RAPGEF2: variants seen among roughly 807,000 people sequenced by gnomAD.
RAPGEF2 encodes the protein PDZ domain containing guanine nucleotide exchange factor (GEF) 1.
In RAPGEF2, 54 loss-of-function variants were observed where a neutral mutation model predicts 186.7. The ratio of observed to expected loss-of-function variants is 0.29; its 90% confidence interval spans 0.23 to 0.36. The LOEUF (loss-of-function observed/expected upper bound fraction) is 0.36. Ranked by LOEUF, RAPGEF2 falls within the 10% of genes least tolerant of loss-of-function variation. The pLI, the probability that RAPGEF2 is intolerant of heterozygous loss-of-function variation, is 1.00. For missense variants in RAPGEF2, 1,532 were observed against 2,045.0 expected (o/e 0.75, Z 4.84); for synonymous variants, 712 against 705.9 (o/e 1.01, Z -0.14).
At chr4:159,129,078 T>C (rs1029509552) in intron 1 of RAPGEF2, among the ~76,000 whole-genome samples, 10 of 151,670 alleles carry the variant, frequency 6.6e-5, no homozygotes, top group African/African-American at 2.4e-4. Context: ...ATTCTGTATT[T>C]AAATTTGAAT....
chr4:159,115,160 A>G (rs552927747), intron 1 of RAPGEF2, among the ~76,000 whole-genome samples: 1 of 152,190 alleles, frequency 6.6e-6, no homozygotes, highest in East Asian at 1.9e-4. Flanking sequence ...GGTAGTGAGT[A>G]CTGGAGAATG....
At chr4:159,219,523 T>C (rs1179006341) in intron 4 of RAPGEF2, among the ~76,000 whole-genome samples, 1 of 151,744 alleles carries the variant, frequency 6.6e-6, no homozygotes, top group East Asian at 1.9e-4. Context: ...GTCCGGATAA[T>C]TTTTTGTATT....
In RAPGEF2 at chr4:159,104,155, G is replaced by C. The variant is rs1291230249; in HGVS notation, c.-8G>C. ...GCGGAGCGGCCCCGGCCCGCTCCCA[G>C]AGGGGAGATGGCGTCCTACGTAGAT... On this transcript the variant is annotated 5_prime_UTR_variant, in exon 1 of 30. Coordinates refer to ENST00000691494, the MANE Select transcript of RAPGEF2 (RefSeq NM_001394067.2). 2 of 1,521,992 alleles carry C rather than the reference G, an allele frequency of 1.3e-6. No homozygotes were observed. Among genetic ancestry groups the C allele is most frequent in the Admixed American group, 4.0e-5 (2 of 49,954 alleles). The allele number at this position is 1,521,992 out of a possible 1,614,324, so 94.3% of individuals were successfully genotyped here.
At chr4:159,199,205 G>A (rs922410233) in intron 3 of RAPGEF2, among the ~76,000 whole-genome samples, 1 of 152,118 alleles carries the variant, frequency 6.6e-6, no homozygotes, top group African/African-American at 2.4e-5. Context: ...TCAAGCACAT[G>A]CACACCCATG....
intron 4 of RAPGEF2, among the ~76,000 whole-genome samples, chr4:159,225,434 T>G (rs1751933870): frequency 6.6e-6 from 1 of 152,206 alleles, no homozygotes; most frequent in African/African-American, 2.4e-5. Flanking sequence ...TATTTTGGCT[T>G]CTACGAATAT....
At chr4:159,299,047 A>G (rs1762352473) in intron 7 of RAPGEF2, among the ~76,000 whole-genome samples, 1 of 152,224 alleles carries the variant, frequency 6.6e-6, no homozygotes, top group African/African-American at 2.4e-5. Flanking sequence ...TCCACCTTGT[A>G]GAGATTAAAA....
Position 159,315,499 on chromosome 4 carries a change from C to T in RAPGEF2, c.853+731C>T, listed in dbSNP as rs1579904579. On this transcript the variant is annotated intron_variant, in intron 9 of 29. Coordinates refer to ENST00000691494, the MANE Select transcript of RAPGEF2 (RefSeq NM_001394067.2). ...ACGAGAGAGTGTAGAAATAAAGACA[C>T]AAGACAAAGAGATAAAAGAAAAGGC... Among the ~76,000 whole-genome samples the T allele has an allele frequency of 3.3e-5, 5 of 152,022 alleles. No homozygotes were observed. In the East Asian group the frequency reaches 9.6e-4, roughly 29 times the overall value.
Position 159,139,363 on chromosome 4 carries a change from A to T in RAPGEF2, c.69+35132A>T, listed in dbSNP as rs969872152. On this transcript the variant is annotated intron_variant, in intron 1 of 29. Coordinates refer to ENST00000691494, the MANE Select transcript of RAPGEF2 (RefSeq NM_001394067.2). ...CCATTAAAAGGATTGTTGCTTCCCC[A>T]GTAGCCTCTTCTATACAGTTTCTTC... Among the ~76,000 whole-genome samples the T allele has an allele frequency of 7.9e-5, 12 of 152,364 alleles. No homozygotes were observed. In the Middle Eastern group the frequency reaches 0.01, roughly 130 times the overall value.
chr4:159,337,746 C>T (rs113056206), intron 17 of RAPGEF2, among the ~76,000 whole-genome samples: 5 of 151,038 alleles, frequency 3.3e-5, no homozygotes, highest in Non-Finnish European at 7.4e-5. Flanking sequence ...AAAAATTAGC[C>T]GGGCATGGTG....
In RAPGEF2 at chr4:159,347,066, AT is replaced by A. The variant is rs1421765176; in HGVS notation, c.3712+69del. On this transcript the variant is annotated intron_variant, in intron 25 of 29. Transcript: ENST00000691494. Reference sequence around the variant, plus strand: ...TCATGGTTTGCAAATTAGGAAAAAAATATTTGTCTTGGATAACTTTGTCTAA... The same window carrying A: ...TCATGGTTTGCAAATTAGGAAAAAAAATTTGTCTTGGATAACTTTGTCTAA... 55 of 1,399,272 alleles carry A rather than the reference AT, an allele frequency of 3.9e-5. No individual in the cohort carries two copies. The East Asian group carries it at 8.8e-4, about 22-fold the overall frequency. 86.7% of individuals were successfully genotyped at this position (1,399,272 alleles called of 1,614,324 possible).
Position 159,306,520 on chromosome 4 carries a change from A to G in RAPGEF2, c.675+2047A>G, listed in dbSNP as rs143838054. Among the ~76,000 whole-genome samples the G allele has an allele frequency of 3.0e-3, 455 of 152,236 alleles. 2 individuals are homozygous for G. Among genetic ancestry groups the G allele is most frequent in the African/African-American group, 9.8e-3 (409 of 41,560 alleles). Reference sequence around the variant, plus strand: ...CCTGAATTCTTTTATCAAATCTAACAATTTTTTGATGGAGTCTTTAGGGGT... The same window carrying G: ...CCTGAATTCTTTTATCAAATCTAACGATTTTTTGATGGAGTCTTTAGGGGT... On this transcript the variant is annotated intron_variant, in intron 8 of 29. Transcript: ENST00000691494.
intron 1 of RAPGEF2, among the ~76,000 whole-genome samples, chr4:159,167,579 C>T (rs1305582032): frequency 2.0e-5 from 3 of 152,154 alleles, no homozygotes; most frequent in African/African-American, 7.2e-5. Flanking sequence ...ATACCCTTTC[C>T]TTTTGTGATT....
intron 1 of RAPGEF2, among the ~76,000 whole-genome samples, chr4:159,163,044 C>T (rs1178580243): frequency 3.9e-5 from 6 of 152,122 alleles, no homozygotes; most frequent in African/African-American, 1.4e-4. Context: ...CTGATGATGA[C>T]TGTGCACCAC....
chr4:159,233,293 C>G (rs952896415), intron 4 of RAPGEF2, among the ~76,000 whole-genome samples: 1 of 152,148 alleles, frequency 6.6e-6, no homozygotes, highest in Non-Finnish European at 1.5e-5. Context: ...TTGGCTCTTA[C>G]ATTTAGCTTG....
chr4:159,268,294 T>G, intron 7 of RAPGEF2: 1 of 1,239,978 alleles, frequency 8.1e-7, no homozygotes, highest in Non-Finnish European at 1.2e-6. Context: ...TTGCTCTTTC[T>G]CTTCAGGGAA....
chr4:159,111,883 T>C (rs1017238180), intron 1 of RAPGEF2, among the ~76,000 whole-genome samples: 3 of 152,196 alleles, frequency 2.0e-5, no homozygotes, highest in Admixed American at 2.0e-4. Context: ...CTTATAAAAC[T>C]GTAGTGTAAT....
chr4:159,138,642 G>GATA (rs1741982913), intron 1 of RAPGEF2, among the ~76,000 whole-genome samples: 1 of 152,114 alleles, frequency 6.6e-6, no homozygotes, highest in African/African-American at 2.4e-5. Flanking sequence ...GAAAGAATAT[G>GATA]ATTTCTACAT....
At chr4:159,208,868 GA>G (rs577349809) in intron 3 of RAPGEF2, among the ~76,000 whole-genome samples, 2 of 148,196 alleles carry the variant, frequency 1.3e-5, no homozygotes, top group African/African-American at 2.5e-5. Context: ...GTACCCCTAG[GA>G]AAAAAAAAGA....
chr4:159,137,641 A>C (rs1185890332), intron 1 of RAPGEF2, among the ~76,000 whole-genome samples: 1 of 146,198 alleles, frequency 6.8e-6, no homozygotes, highest in Non-Finnish European at 1.5e-5. Context: ...TAAAGAACAC[A>C]CCTTTTTAGG....
Sources: gnomAD v4.1 joint callset for allele counts (sites outside exome capture counted in the v4.1 genomes callset) on GRCh38, gnomAD v4.1.1 for gene constraint, MANE v1.5 for transcripts, NCBI Gene and HGNC (gene_info 2026-07-23, HGNC 2026-07-21) for gene names.